The following SUZ12 variants were observed in gnomAD, a reference collection of about 807,000 sequenced individuals.
The protein encoded by SUZ12 is polycomb protein SUZ12.
A neutral mutation model predicts 87.3 loss-of-function variants in SUZ12; 17 were observed. The ratio of observed to expected loss-of-function variants is 0.19; its 90% confidence interval spans 0.13 to 0.29. SUZ12 has a LOEUF of 0.29. Ranked by LOEUF, SUZ12 falls within the 10% of genes least tolerant of loss-of-function variation. SUZ12 has a pLI of 1.00. For missense variants in SUZ12, 526 were observed against 912.2 expected (o/e 0.58, Z 5.45); for synonymous variants, 253 against 312.4 (o/e 0.81, Z 2.01).
chr17:31,968,282 G>A (rs553494439), intron 5 of SUZ12, among the ~76,000 whole-genome samples: 34 of 152,118 alleles, frequency 2.2e-4, no homozygotes, highest in Non-Finnish European at 3.8e-4. Context: ...GGTCTTGCTC[G>A]TGTCACCCAG....
Position 31,994,559 on chromosome 17 carries a change from T to G in SUZ12, c.1438-5T>G. On this transcript the variant is annotated splice_polypyrimidine_tract_variant and splice_region_variant and intron_variant, in intron 12 of 15. Transcript: ENST00000322652. ...TATATTTTTTTTTTTACATTTTTGT[T>G]GCAGTATCATCCAAAAGGTGCTAGG... The G allele has an allele frequency of 6.3e-7, 1 of 1,586,966 alleles. No homozygotes were observed. The highest frequency in any genetic ancestry group is 1.2e-5 in the South Asian group (1 of 85,072).
At chr17:31,961,212 CAA>C (rs764900871) in intron 4 of SUZ12, among the ~76,000 whole-genome samples, 2 of 135,998 alleles carry the variant, frequency 1.5e-5, no homozygotes, top group Admixed American at 7.5e-5. Flanking sequence ...GACTCCGTCT[CAA>C]AAAAAAAAAA....
At chr17:31,958,810 C>G (rs1228015041) in intron 4 of SUZ12, among the ~76,000 whole-genome samples, 1 of 152,108 alleles carries the variant, frequency 6.6e-6, no homozygotes, top group Non-Finnish European at 1.5e-5. Context: ...TACACCGCTG[C>G]ACTCCATCCT....
intron 6 of SUZ12, 77 bp from the exon 7 acceptor site, chr17:31,975,405 C>T: frequency 9.8e-7 from 1 of 1,016,898 alleles, no homozygotes; most frequent in Non-Finnish European, 1.4e-6. Context: ...TTTCCTATAG[C>T]TGTGATTAGA....
intron 9 of SUZ12, among the ~76,000 whole-genome samples, chr17:31,984,577 CTG>C (rs755226447): frequency 2.6e-5 from 4 of 152,134 alleles, no homozygotes; most frequent in Non-Finnish European, 4.4e-5. Context: ...GGGGAAGTAT[CTG>C]TAACACAAAA....
chr17:31,941,977 C>T (rs1245539813), intron 3 of SUZ12, among the ~76,000 whole-genome samples: 6 of 152,044 alleles, frequency 3.9e-5, no homozygotes, highest in African/African-American at 7.2e-5. Context: ...CTCAGCCTCC[C>T]GAGTAGCTGG....
At position 32,000,113 on chromosome 17, in the gene SUZ12, A is replaced by G. The variant is rs1910183108; in HGVS notation, c.*1110A>G. The G allele has an allele frequency of 4.3e-6, 1 of 233,218 alleles. No homozygotes were observed. The highest frequency in any genetic ancestry group is 5.6e-5 in the Admixed American group (1 of 17,774). The allele number at this position is 233,218 out of a possible 1,614,324, so 14.4% of individuals were successfully genotyped here. ...TGGATTCACTACTGGCACATTAACAAGCACCAATAGGTTTTTATTCCAACT... is the reference window on the plus strand; with the variant it reads ...TGGATTCACTACTGGCACATTAACAGGCACCAATAGGTTTTTATTCCAACT... On this transcript the variant is annotated 3_prime_UTR_variant, in exon 16 of 16. Coordinates refer to ENST00000322652, the MANE Select transcript of SUZ12 (RefSeq NM_015355.4).
intron 8 of SUZ12, among the ~76,000 whole-genome samples, chr17:31,977,492 A>T (rs1374589992): frequency 6.6e-6 from 1 of 151,994 alleles, no homozygotes; most frequent in Non-Finnish European, 1.5e-5. Flanking sequence ...GTTAGCCAGA[A>T]TGGTGTCGGT....
Position 31,968,287 on chromosome 17 carries a change from A to C in SUZ12, c.505+2091A>C, listed in dbSNP as rs192565922. Among the ~76,000 whole-genome samples, 4 of 151,964 alleles carry C rather than the reference A, an allele frequency of 2.6e-5. No individual in the cohort carries two copies. In the East Asian group the frequency reaches 7.8e-4, roughly 30 times the overall value. ...GTTTAGACAGGGTCTTGCTCGTGTCACCCAGGCTGGAGTGCAGTGGTGTGA... is the reference window on the plus strand; with the variant it reads ...GTTTAGACAGGGTCTTGCTCGTGTCCCCCAGGCTGGAGTGCAGTGGTGTGA... On this transcript the variant is annotated intron_variant, in intron 5 of 15. Coordinates refer to ENST00000322652, the MANE Select transcript of SUZ12 (RefSeq NM_015355.4).
chr17:31,938,135 C>T (rs867233896), intron 1 of SUZ12, among the ~76,000 whole-genome samples: 27 of 152,036 alleles, frequency 1.8e-4, no homozygotes, highest in Admixed American at 1.1e-3. Context: ...CTTTTTCTAC[C>T]TGGCTTACAG....
Position 31,995,421 on chromosome 17 carries a change from G to C in SUZ12, c.1596-143G>C, listed in dbSNP as rs1039891382. 4.9e-6 allele frequency: 3 copies of C among 609,436 alleles called. No homozygotes were observed. In the South Asian group the frequency reaches 6.5e-5, roughly 13 times the overall value. The allele number at this position is 609,436 out of a possible 1,614,324, so 37.8% of individuals were successfully genotyped here. A position where few individuals can be genotyped will look rare whatever the true frequency, so the allele number is the denominator to read the frequency against. On this transcript the variant is annotated intron_variant, in intron 13 of 15. Transcript: ENST00000322652. ...TGTACCAAAAGAAAATAACTAGTGG[G>C]GGTGTGCCTCTAATACTATTGTTTT...
chr17:31,953,215 C>T (rs1280571280), intron 4 of SUZ12, among the ~76,000 whole-genome samples: 6 of 152,090 alleles, frequency 3.9e-5, no homozygotes, highest in African/African-American at 7.2e-5. Flanking sequence ...AAGCAATTCT[C>T]GAGCCTCAGC....
Position 31,997,209 on chromosome 17 carries a change from G to C in SUZ12, c.1874+332G>C, listed in dbSNP as rs1438867893. Among the ~76,000 whole-genome samples the C allele has an allele frequency of 2.6e-5, 4 of 152,184 alleles. 1 individual carries two copies. Among genetic ancestry groups the C allele is most frequent in the Non-Finnish European group, 5.9e-5 (4 of 68,028 alleles). ...TTTATCAGGGTTGTTGATTCTGTCA[G>C]CTTTCAAGAGGAAACAGGCTGCTGC... On this transcript the variant is annotated intron_variant, in intron 15 of 15. Transcript: ENST00000322652.
At chr17:31,990,646 T>G (rs572386) in intron 10 of SUZ12, among the ~76,000 whole-genome samples, 16,263 of 152,278 alleles carry the variant, frequency 0.11, 1,067 homozygotes, top group Middle Eastern at 0.15. Flanking sequence ...ATTACAGGCA[T>G]GAGCCATCGC....
intron 4 of SUZ12, among the ~76,000 whole-genome samples, chr17:31,950,795 T>C (rs1052758670): frequency 6.6e-5 from 10 of 152,306 alleles, no homozygotes; most frequent in African/African-American, 1.9e-4. Context: ...CTTTTTTTTT[T>C]TTGAGACGGA....
chr17:31,942,587 G>A (rs549118033), intron 3 of SUZ12, among the ~76,000 whole-genome samples: 2 of 148,562 alleles, frequency 1.3e-5, no homozygotes, highest in Non-Finnish European at 3.0e-5. Context: ...TCCACTCACC[G>A]TGGCCTCCTG....
intron 5 of SUZ12, among the ~76,000 whole-genome samples, chr17:31,970,271 C>T (rs1377336936): frequency 1.3e-5 from 2 of 152,138 alleles, no homozygotes; most frequent in East Asian, 1.9e-4. Context: ...ATGCAACTTC[C>T]GAAGAAACTG....
intron 5 of SUZ12, among the ~76,000 whole-genome samples, chr17:31,970,952 G>A (rs1177107595): frequency 6.6e-6 from 1 of 152,188 alleles, no homozygotes; most frequent in Admixed American, 6.5e-5. Flanking sequence ...GTTATGAACT[G>A]TTAATACCTT....
rs1281747941 is a variant in SUZ12 at position 31,937,395 on chromosome 17, G to A, written c.149G>A (p.Gly50Asp). 1.3e-6 allele frequency: 2 copies of A among 1,538,208 alleles called. No individual in the cohort carries two copies. Among genetic ancestry groups the A allele is most frequent in the Non-Finnish European group, 1.7e-6 (2 of 1,143,208 alleles). Residue 50 changes from glycine to aspartate, a missense_variant, in exon 1 of 16, where the codon GGC becomes GAC. Transcript: ENST00000322652. ...KSGGGSCGGG[G>D]SYSASSSSSA... ...GGCGGCGGGAGCTGTGGAGGGGGTGGCAGTTACTCGGCCTCCTCCTCCTCC... is the reference window on the plus strand; with the variant it reads ...GGCGGCGGGAGCTGTGGAGGGGGTGACAGTTACTCGGCCTCCTCCTCCTCC...
Sources: gnomAD v4.1 joint callset for allele counts (sites outside exome capture counted in the v4.1 genomes callset) on GRCh38, gnomAD v4.1.1 for gene constraint, MANE v1.5 for transcripts, NCBI Gene and HGNC (gene_info 2026-07-23, HGNC 2026-07-21) for gene names.